GUF1: variants seen among roughly 807,000 people sequenced by gnomAD.
The protein encoded by GUF1 is GTP binding elongation factor GUF1.
Under a neutral mutation model 82.4 loss-of-function variants are expected in GUF1, and 78 were observed. That is an observed-to-expected ratio of 0.95 (90% CI 0.79 to 1.14). The LOEUF (loss-of-function observed/expected upper bound fraction) is 1.14, where lower values mean the gene tolerates loss of function less well. GUF1 is among the 50% of genes most tolerant of loss of function. The pLI, the probability that GUF1 is intolerant of heterozygous loss-of-function variation, is 0.00. For synonymous variants in GUF1, 279 were observed against 282.3 expected (o/e 0.99, Z 0.12); for missense variants, 814 against 798.2 (o/e 1.02, Z -0.24).
chr4:44,683,988 A>G (rs1246231062), intron 6 of GUF1, among the ~76,000 whole-genome samples: 1 of 152,092 alleles, frequency 6.6e-6, no homozygotes, highest in Non-Finnish European at 1.5e-5. Flanking sequence ...TGTTATATTA[A>G]AATACAATTA....
At position 44,688,127 on chromosome 4, in the gene GUF1, G is replaced by A. The variant is rs377038041; in HGVS notation, c.1059G>A (p.Ala353=). The stretch of plus-strand genomic sequence containing the variant: ...AGCCCTTGCCTGGGTTTAAATCAGC[G>A]AAACCAATGGTATTTGCAGGTGAGG... The part of the protein sequence containing the change: ...PVEPLPGFKS[A]KPMVFAGMYP... The change falls in exon 9 of 17, where the codon GCG becomes GCA. Residue 353 remains alanine (A), a synonymous_variant. Coordinates refer to ENST00000281543, the MANE Select transcript of GUF1 (RefSeq NM_021927.3). 3.2e-5 allele frequency: 51 copies of A among 1,610,604 alleles called. No homozygotes were observed. The highest frequency in any genetic ancestry group is 3.0e-4 in the Admixed American group (18 of 59,722).
chr4:44,683,430 T>C, intron 6 of GUF1, 112 bp downstream of exon 6: 1 of 583,714 alleles, frequency 1.7e-6, no homozygotes, highest in Non-Finnish European at 3.0e-6. Flanking sequence ...TTTTATAGTT[T>C]TACAAACTTC....
Position 44,698,815 on chromosome 4 carries a change from G to T in GUF1, c.*134G>T. ...ACTAGTCTTTCGTTGAAAGGGAGTA[G>T]TTAGTGGGTAGGCAAGAGCTTAGAT... On this transcript the variant is annotated 3_prime_UTR_variant, in exon 17 of 17. Transcript: ENST00000281543. The T allele has an allele frequency of 1.4e-6, 1 of 730,846 alleles. No individual in the cohort carries two copies. The highest frequency in any genetic ancestry group is 2.2e-6 in the Non-Finnish European group (1 of 454,860). 45.3% of individuals were successfully genotyped at this position (730,846 alleles called of 1,614,324 possible). A position where few individuals can be genotyped will look rare whatever the true frequency, so the allele number is the denominator to read the frequency against.
Position 44,683,263 on chromosome 4 carries a change from G to A in GUF1, c.614G>A (p.Arg205Lys). The A allele has an allele frequency of 6.3e-7, 1 of 1,585,862 alleles. No individual in the cohort carries two copies. Among genetic ancestry groups the A allele is most frequent in the Non-Finnish European group, 8.6e-7 (1 of 1,167,090 alleles). The change falls in exon 6 of 17, where the codon AGG (arginine) becomes AAG (lysine). Residue 205 changes from arginine (R) to lysine (K), a missense_variant. By Grantham distance (26) the Arg-to-Lys change is conservative (BLOSUM62 2). Transcript: ENST00000281543. Reference protein sequence around the residue: ...KIDLKNADPERVENQIEKVFD... With the variant: ...KIDLKNADPEKVENQIEKVFD... ...GATCTGAAGAATGCTGATCCTGAAA[G>A]GGTTGAAAACCAAATTGAGAAAGTG...
rs758056704 is a variant in GUF1 at position 44,695,655 on chromosome 4, C to T, written c.1756C>T (p.Leu586=). The change falls in exon 15 of 17, where the codon CTG becomes TTG. Residue 586 remains leucine (L), a synonymous_variant. Transcript: ENST00000281543. The part of the protein sequence containing the change: ...HSIGKAICER[L]KDSLPRQLFE... ...AATTGGCAAAGCCATATGTGAACGG[C>T]TGAAGGATTCTCTTCCTAGGCAACT... The T allele has an allele frequency of 6.2e-7, 1 of 1,613,438 alleles. No homozygotes were observed. The highest frequency in any genetic ancestry group is 2.2e-5 in the East Asian group (1 of 44,788).
At position 44,686,023 on chromosome 4, in the gene GUF1, C is replaced by CG. The variant is rs1560342950; in HGVS notation, c.734+1dup. On this transcript the variant is annotated frameshift_variant and splice_region_variant. Coordinates refer to ENST00000281543, the MANE Select transcript of GUF1 (RefSeq NM_021927.3). LOFTEE classifies it high-confidence loss of function. The stretch of plus-strand genomic sequence containing the variant: ...CAGGCAATTATTGAAAGAATCCCCC[C>CG]GTGAGTATTTGGTGATTTTTGTACT... 1 of 1,596,478 alleles carries CG rather than the reference C, an allele frequency of 6.3e-7. No homozygotes were observed. Among genetic ancestry groups the CG allele is most frequent in the Non-Finnish European group, 8.6e-7 (1 of 1,165,392 alleles).
Position 44,688,113 on chromosome 4 carries a change from G to C in GUF1, c.1045G>C (p.Gly349Arg). 1 of 1,611,790 alleles carries C rather than the reference G, an allele frequency of 6.2e-7. No homozygotes were observed. The highest frequency in any genetic ancestry group is 8.5e-7 in the Non-Finnish European group (1 of 1,178,450). Reference sequence around the variant, plus strand: ...TAAGCAACCAGTGGAGCCCTTGCCTGGGTTTAAATCAGCGAAACCAATGGT... The same window carrying C: ...TAAGCAACCAGTGGAGCCCTTGCCTCGGTTTAAATCAGCGAAACCAATGGT... ...LHKQPVEPLP[G>R]FKSAKPMVFA... Residue 349 changes from glycine (G) to arginine (R), a missense_variant, in exon 9 of 17, where the codon GGG becomes CGG. By Grantham distance (125) the Gly-to-Arg change is moderately radical. Transcript: ENST00000281543.
chr4:44,686,148 C>G, intron 7 of GUF1, 125 bp downstream of exon 7: 1 of 695,576 alleles, frequency 1.4e-6, no homozygotes, highest in Non-Finnish European at 2.5e-6. Context: ...GGCAAATATT[C>G]TTGCAGGCAG....
rs2109629196 is a variant in GUF1, at chr4:44,680,552, G to C, written c.277G>C (p.Gly93Arg). ...TLADRLLELT[G>R]TIDKTKNNKQ... ...AGCTGACAGGCTCCTAGAACTTACA[G>C]GTATTTCATTTATGTTACATACTTA... Residue 93 changes from glycine to arginine, a missense_variant and splice_region_variant, in exon 2 of 17, where the codon GGG becomes CGG. Physicochemically the swap from Gly to Arg is moderately radical, Grantham distance 125. Coordinates refer to ENST00000281543, the MANE Select transcript of GUF1 (RefSeq NM_021927.3). 2 of 1,588,698 alleles carry C rather than the reference G, an allele frequency of 1.3e-6. No individual in the cohort carries two copies. The highest frequency in any genetic ancestry group is 4.5e-5 in the East Asian group (2 of 44,418).
intron 1 of GUF1, among the ~76,000 whole-genome samples, chr4:44,680,127 C>T (rs140401245): frequency 1.3e-5 from 2 of 152,146 alleles, no homozygotes; most frequent in Middle Eastern, 3.4e-3. Context: ...AAGGTATTCT[C>T]AGGCCTTTAG....
Position 44,699,882 on chromosome 4 carries a change from C to T in GUF1, c.*1201C>T, listed in dbSNP as rs1285173015. ...TGGTATTACCAGGAACTCATAATGA[C>T]ATTTTAATAATTATTGTCTAAATTT... On this transcript the variant is annotated 3_prime_UTR_variant, in exon 17 of 17. Transcript: ENST00000281543. The T allele has an allele frequency of 6.6e-6, 1 of 152,156 alleles. No individual in the cohort carries two copies. Among genetic ancestry groups the T allele is most frequent in the Non-Finnish European group, 1.5e-5 (1 of 68,028 alleles). The allele number at this position is 152,156 out of a possible 1,614,324, so 9.4% of individuals were successfully genotyped here. A position where few individuals can be genotyped will look rare whatever the true frequency, so the allele number is the denominator to read the frequency against.
rs1365049746 is a variant in GUF1, at chr4:44,689,893, A to G, written c.1253A>G (p.Glu418Gly). The G allele has an allele frequency of 1.9e-6, 3 of 1,606,650 alleles. No individual in the cohort carries two copies. Among genetic ancestry groups the G allele is most frequent in the Non-Finnish European group, 2.6e-6 (3 of 1,174,950 alleles). Residue 418 changes from glutamate (E) to glycine (G), a missense_variant, in exon 11 of 17, where the codon GAG (glutamate) becomes GGG (glycine). Physicochemically the swap from Glu to Gly is moderately conservative, Grantham distance 98. Transcript: ENST00000281543. The part of the protein sequence containing the change: ...LHMEVFNQRL[E>G]QEYNASVILT... ...ATGGAAGTTTTCAACCAGCGACTGG[A>G]GCAAGAATATAATGCTTCTGTTATT...
chr4:44,686,444 AAAT>A (rs1424169667), intron 7 of GUF1, 63 bp from the exon 8 acceptor site: 2 of 1,015,680 alleles, frequency 2.0e-6, no homozygotes, highest in Non-Finnish European at 2.8e-6. Flanking sequence ...TCTAAGTTGA[AAAT>A]AAGAATTTTA....
chr4:44,687,971 A>C, intron 8 of GUF1, 36 bp from the exon 9 acceptor site: 1 of 1,583,094 alleles, frequency 6.3e-7, no homozygotes, highest in Non-Finnish European at 8.6e-7. Flanking sequence ...TGAAACATTA[A>C]AGCAGTAAAT....
At chr4:44,691,097 A>G (rs1338457614) in intron 12 of GUF1, among the ~76,000 whole-genome samples, 1 of 151,648 alleles carries the variant, frequency 6.6e-6, no homozygotes, top group African/African-American at 2.4e-5. Context: ...TGTTAGCCCA[A>G]AGGAAAGAAA....
At position 44,695,648 on chromosome 4, in the gene GUF1, T is replaced by G. The variant is rs753684500; in HGVS notation, c.1749T>G (p.Cys583Trp). 1 of 1,613,110 alleles carries G rather than the reference T, an allele frequency of 6.2e-7. No homozygotes were observed. Among genetic ancestry groups the G allele is most frequent in the African/African-American group, 1.3e-5 (1 of 75,016 alleles). ...CTCATTCAATTGGCAAAGCCATATG[T>G]GAACGGCTGAAGGATTCTCTTCCTA... ...DKAHSIGKAI[C>W]ERLKDSLPRQ... is the part of the protein sequence containing the mutation. Residue 583 changes from cysteine to tryptophan, a missense_variant, in exon 15 of 17, where the codon TGT becomes TGG. By Grantham distance (215) the Cys-to-Trp change is radical. Coordinates refer to ENST00000281543, the MANE Select transcript of GUF1 (RefSeq NM_021927.3).
chr4:44,692,669 A>G (rs895114276), intron 13 of GUF1, among the ~76,000 whole-genome samples: 5 of 151,904 alleles, frequency 3.3e-5, no homozygotes, highest in Non-Finnish European at 7.4e-5. Flanking sequence ...GTCAGTGAAG[A>G]GAGTTAGCAT....
chr4:44,694,820 T>G lies in GUF1; in HGVS notation c.1715+307T>G, dbSNP rs149400520. On this transcript the variant is annotated intron_variant, in intron 14 of 16. Coordinates refer to ENST00000281543, the MANE Select transcript of GUF1 (RefSeq NM_021927.3). ...AAGTTTTTTTGTTTTGTTTTGTTTT[T>G]TTTTTAGATGGGAGTCTCATTCTGT... Among the ~76,000 whole-genome samples, 111 of 152,180 alleles carry G rather than the reference T, an allele frequency of 7.3e-4. 1 individual carries two copies. Among genetic ancestry groups the G allele is most frequent in the Middle Eastern group, 3.4e-3 (1 of 294 alleles).
rs894110434 is a variant in GUF1, at chr4:44,694,596, T to A, written c.1715+83T>A. ...TTATTTTTGTTTGAGCAGCTGCATT[T>A]AAAAAACTTCTAAGGTAATTAAAAT... On this transcript the variant is annotated intron_variant, in intron 14 of 16. Transcript: ENST00000281543. The A allele has an allele frequency of 1.7e-5, 14 of 842,016 alleles. No homozygotes were observed. In the African/African-American group the frequency reaches 2.4e-4, roughly 14 times the overall value. 52.2% of individuals were successfully genotyped at this position (842,016 alleles called of 1,614,324 possible). A position where few individuals can be genotyped will look rare whatever the true frequency, so the allele number is the denominator to read the frequency against.
Sources: allele counts gnomAD v4.1 joint callset (sites outside exome capture counted in the v4.1 genomes callset), GRCh38; gene constraint gnomAD v4.1.1; transcripts MANE v1.5; gene names NCBI Gene and HGNC (gene_info 2026-07-23, HGNC 2026-07-21).